SYT2: variants seen among roughly 807,000 people sequenced by gnomAD.
SYT2 encodes the protein synaptotagmin 2.
A neutral mutation model predicts 39.9 loss-of-function variants in SYT2; 15 were observed. The ratio of observed to expected loss-of-function variants is 0.38; its 90% confidence interval spans 0.25 to 0.58. SYT2 has a LOEUF of 0.58. SYT2 is among the 20% of genes least tolerant of loss of function. The pLI, the probability that SYT2 is intolerant of heterozygous loss-of-function variation, is 0.70. For missense variants in SYT2, 389 were observed against 530.3 expected, an observed-to-expected ratio of 0.73 and a Z score of 2.62; for synonymous variants, 181 against 204.5, an observed-to-expected ratio of 0.89 and a Z score of 0.98.
At position 202,691,738 on chromosome 1, in the gene SYT2, A is replaced by G. The variant is rs1353840999; in HGVS notation, c.-18+18520T>C. 5.4e-4 allele frequency among the ~76,000 whole-genome samples: 30 copies of G among 55,704 alleles called. 1 individual carries two copies. The highest frequency in any genetic ancestry group is 2.1e-3 in the African/African-American group (26 of 12,128). 36.5% of individuals were successfully genotyped at this position (55,704 alleles called of 152,430 possible). ...GAGGGAGAGGGAGAGGGGGGGAGAG[A>G]GAGAGAGAGAGAGAGAGAGAGAGAG... On this transcript the variant is annotated intron_variant, in intron 1 of 8. Transcript: ENST00000367268.
intron 1 of SYT2, among the ~76,000 whole-genome samples, chr1:202,630,798 C>T (rs1053616975): frequency 2.0e-5 from 3 of 152,206 alleles, no homozygotes; most frequent in Non-Finnish European, 2.9e-5. Context: ...TTCCACACCC[C>T]GGGCCCCAGG....
At chr1:202,706,868 T>C (rs1654265938) in intron 1 of SYT2, among the ~76,000 whole-genome samples, 1 of 152,200 alleles carries the variant, frequency 6.6e-6, no homozygotes, top group African/African-American at 2.4e-5. Context: ...ATAACACGAA[T>C]AGTTATCAGT....
rs1654010126 is a variant in SYT2, at chr1:202,697,741, G to A, written c.-18+12517C>T. Among the ~76,000 whole-genome samples, 4 of 152,162 alleles carry A rather than the reference G, an allele frequency of 2.6e-5. No individual in the cohort carries two copies. In the South Asian group the frequency reaches 6.2e-4, roughly 24 times the overall value. On this transcript the variant is annotated intron_variant, in intron 1 of 8. Transcript: ENST00000367268. The stretch of plus-strand genomic sequence containing the variant: ...GATGAGTGTGCTGATTAATTTGATT[G>A]TAATAATCACCATATAAGGTATATG...
At chr1:202,649,382 G>T (rs1412791925) in intron 1 of SYT2, among the ~76,000 whole-genome samples, 1 of 152,194 alleles carries the variant, frequency 6.6e-6, no homozygotes, top group Non-Finnish European at 1.5e-5. Flanking sequence ...TATTGATGAG[G>T]CTGACAGCAA....
At chr1:202,677,677 G>A (rs1360300266) in intron 1 of SYT2, among the ~76,000 whole-genome samples, 4 of 152,320 alleles carry the variant, frequency 2.6e-5, no homozygotes, top group South Asian at 2.1e-4. Context: ...TCTGATCAAA[G>A]TAAATGATTG....
At chr1:202,604,101 A>G (rs1690615391) in intron 3 of SYT2, among the ~76,000 whole-genome samples, 1 of 152,056 alleles carries the variant, frequency 6.6e-6, no homozygotes, top group African/African-American at 2.4e-5. Flanking sequence ...CCCATGAGAT[A>G]TTGTCCTTCA....
rs528781928 is a variant in SYT2 at position 202,592,809 on chromosome 1, G to GT, written c.*3947dup. ...AAGGGAGAGGGGGAAAAGTCATAGG[G>GT]TAGGGTTCCCAGACACAATGCAGGA... On this transcript the variant is annotated 3_prime_UTR_variant, in exon 9 of 9. Coordinates refer to ENST00000367268, the MANE Select transcript of SYT2 (RefSeq NM_177402.5). 2.6e-5 allele frequency: 4 copies of GT among 152,338 alleles called. No individual in the cohort carries two copies. In the South Asian group the frequency reaches 8.3e-4, roughly 32 times the overall value. The allele number at this position is 152,338 out of a possible 1,614,324, so 9.4% of individuals were successfully genotyped here.
chr1:202,603,156 G>A, intron 3 of SYT2, 38 bp from the exon 4 acceptor site: 1 of 1,612,658 alleles, frequency 6.2e-7, no homozygotes, highest in South Asian at 1.1e-5. Flanking sequence ...AAGTTAAAAG[G>A]GGAGGACCGA....
chr1:202,630,324 C>T, intron 1 of SYT2: 1 of 975,398 alleles, frequency 1.0e-6, no homozygotes, highest in Non-Finnish European at 1.2e-6. Context: ...CTGGAGGACA[C>T]ATGGGGAGAG....
At chr1:202,621,478 A>G (rs116345177) in intron 1 of SYT2, among the ~76,000 whole-genome samples, 13,828 of 152,028 alleles carry the variant, frequency 0.091, 1,010 homozygotes, top group East Asian at 0.19. Context: ...AAAGTTTTTC[A>G]TAGAGACAGG....
intron 1 of SYT2, among the ~76,000 whole-genome samples, chr1:202,619,047 C>G (rs1032024586): frequency 3.3e-5 from 5 of 152,238 alleles, no homozygotes; most frequent in Admixed American, 3.3e-4. Context: ...TGCTTCCTTC[C>G]ACAGCCCAGC....
intron 1 of SYT2, among the ~76,000 whole-genome samples, chr1:202,701,786 G>A (rs760263482): frequency 2.0e-5 from 3 of 152,146 alleles, no homozygotes; most frequent in Non-Finnish European, 2.9e-5. Context: ...CCAGGGACCC[G>A]TGGCCCCCAT....
At chr1:202,629,871 G>GGA (rs1553338281) in intron 1 of SYT2, among the ~76,000 whole-genome samples, 3 of 124,912 alleles carry the variant, frequency 2.4e-5, no homozygotes. Flanking sequence ...AGCTGGTGGG[G>GGA]GGGGGGGGGT....
intron 1 of SYT2, among the ~76,000 whole-genome samples, chr1:202,690,241 C>G (rs1225739801): frequency 6.6e-6 from 1 of 152,146 alleles, no homozygotes; most frequent in Admixed American, 6.5e-5. Flanking sequence ...TGAACAGATG[C>G]CCAGCAAGTC....
chr1:202,643,815 TC>T (rs1052731288), intron 1 of SYT2, among the ~76,000 whole-genome samples: 8 of 151,660 alleles, frequency 5.3e-5, no homozygotes, highest in African/African-American at 1.7e-4. Flanking sequence ...CCTACGGGAC[TC>T]CCCCGATTCT....
chr1:202,658,508 G>A (rs970029675), intron 1 of SYT2, among the ~76,000 whole-genome samples: 10 of 151,872 alleles, frequency 6.6e-5, no homozygotes, highest in South Asian at 6.2e-4. Flanking sequence ...CCCACTCCCC[G>A]CCTCTGGCCC....
chr1:202,618,419 G>A (rs1403072354), intron 1 of SYT2, among the ~76,000 whole-genome samples: 1 of 151,950 alleles, frequency 6.6e-6, no homozygotes. Flanking sequence ...GTGTGTGTGT[G>A]TGTGTGTGTG....
chr1:202,596,656 T>C lies in SYT2; in HGVS notation c.*101A>G. ...AACAAGGACACAACCACCCAACAAA[T>C]GAAAGAAAAAAGAAAACCTCTAAGG... On this transcript the variant is annotated 3_prime_UTR_variant, in exon 9 of 9. Coordinates refer to ENST00000367268, the MANE Select transcript of SYT2 (RefSeq NM_177402.5). The C allele has an allele frequency of 8.5e-7, 1 of 1,172,108 alleles. No individual in the cohort carries two copies. Among genetic ancestry groups the C allele is most frequent in the East Asian group, 2.6e-5 (1 of 39,210 alleles). The allele number at this position is 1,172,108 out of a possible 1,614,324, so 72.6% of individuals were successfully genotyped here.
In SYT2 at chr1:202,628,296, C is replaced by T. The variant is rs1691475214; in HGVS notation, c.-17-22507G>A. Among the ~76,000 whole-genome samples the T allele has an allele frequency of 6.6e-6, 1 of 152,132 alleles. No individual in the cohort carries two copies. The highest frequency in any genetic ancestry group is 1.5e-5 in the Non-Finnish European group (1 of 68,032). ...GCTGTACTCCCAGGTAGCAGAGCAG[C>T]TCGCTTTGGGCCACACCAGGACCTG... is the stretch of plus-strand genomic sequence containing the variant. On this transcript the variant is annotated intron_variant, in intron 1 of 8. Transcript: ENST00000367268. The surrounding 1 kb of genome is among the most constrained non-coding windows in gnomAD (Gnocchi z 4.2).
Sources: allele counts gnomAD v4.1 joint callset (sites outside exome capture counted in the v4.1 genomes callset), GRCh38; gene constraint gnomAD v4.1.1; non-coding constraint Gnocchi (gnomAD v3.1); transcripts MANE v1.5; gene names NCBI Gene and HGNC (gene_info 2026-07-23, HGNC 2026-07-21).